The following ESRP1 variants were observed in gnomAD, a reference collection of about 807,000 sequenced individuals.
ESRP1 encodes epithelial splicing regulatory protein 1, also known as RNA-binding motif protein 35A.
Under a neutral mutation model 81.7 loss-of-function variants are expected in ESRP1, and 33 were observed. The ratio of observed to expected loss-of-function variants is 0.40; its 90% CI spans 0.31 to 0.54. ESRP1 has a LOEUF of 0.54. ESRP1 is among the 20% of genes least tolerant of loss of function. The pLI is 0.41. For missense variants in ESRP1, 672 were observed against 833.1 expected, an observed-to-expected ratio of 0.81 and a Z score of 2.38; for synonymous variants, 320 against 303.3, an observed-to-expected ratio of 1.06 and a Z score of -0.57.
At chr8:94,671,753 C>A in intron 11 of ESRP1, 82 bp downstream of exon 11, 3 of 880,366 alleles carry the variant, frequency 3.4e-6, no homozygotes, top group South Asian at 2.4e-5. Flanking sequence ...ATTAGATAAT[C>A]TATTAGAAAT....
chr8:94,669,100 G>C (rs765974478), intron 10 of ESRP1, among the ~76,000 whole-genome samples: 22 of 152,200 alleles, frequency 1.4e-4, no homozygotes, highest in South Asian at 4.1e-4. Context: ...CAGCATTTTT[G>C]AGGCACAAAA....
rs1810071876 is a variant in ESRP1, at chr8:94,706,414, A to G, written c.*525A>G. On this transcript the variant is annotated 3_prime_UTR_variant, in exon 16 of 16. Coordinates refer to ENST00000433389, the MANE Select transcript of ESRP1 (RefSeq NM_017697.4). ...GGAATAATAAAATCACAATCTTAGG[A>G]GAAAGAATAAAATTGTTATTTTCCC... 1 of 153,370 alleles carries G rather than the reference A, an allele frequency of 6.5e-6. No individual in the cohort carries two copies. Among genetic ancestry groups the G allele is most frequent in the African/African-American group, 2.4e-5 (1 of 41,492 alleles). The allele number at this position is 153,370 out of a possible 1,614,324, so 9.5% of individuals were successfully genotyped here.
At chr8:94,671,324 A>G in intron 10 of ESRP1, 129 bp from the exon 11 acceptor site, 3 of 647,986 alleles carry the variant, frequency 4.6e-6, no homozygotes, top group Non-Finnish European at 7.7e-6. Context: ...ATGAAGATTC[A>G]TATTTATTAG....
At chr8:94,674,043 A>G (rs1819467571) in intron 11 of ESRP1, among the ~76,000 whole-genome samples, 2 of 152,218 alleles carry the variant, frequency 1.3e-5, no homozygotes, top group Admixed American at 6.5e-5. Flanking sequence ...AAACCCTTGT[A>G]AATCTGATAC....
At chr8:94,689,828 T>TTTTTTTTTG (rs1809310614) in intron 13 of ESRP1, among the ~76,000 whole-genome samples, 1 of 92,782 alleles carries the variant, frequency 1.1e-5, no homozygotes, top group African/African-American at 3.4e-5. Context: ...TTTTTTTTTT[T>TTTTTTTTTG]TTTTTTTTGA....
At chr8:94,651,615 A>T (rs930746419) in intron 4 of ESRP1, among the ~76,000 whole-genome samples, 35 of 145,324 alleles carry the variant, frequency 2.4e-4, no homozygotes, top group Non-Finnish European at 2.7e-4. Context: ...AGGGTTTAGG[A>T]ATTTTTTTTT....
chr8:94,668,585 G>A (rs1034805671), intron 10 of ESRP1, among the ~76,000 whole-genome samples: 1 of 152,178 alleles, frequency 6.6e-6, no homozygotes, highest in Non-Finnish European at 1.5e-5. Context: ...TTCCTCTAGT[G>A]TACACTTAGA....
intron 13 of ESRP1, among the ~76,000 whole-genome samples, chr8:94,681,792 G>A (rs2130675867): frequency 6.6e-6 from 1 of 152,222 alleles, no homozygotes; most frequent in East Asian, 1.9e-4. Context: ...AAATTGCCAG[G>A]GCATGGTGGT....
intron 4 of ESRP1, among the ~76,000 whole-genome samples, chr8:94,656,903 C>A (rs1026233347): frequency 1.3e-5 from 2 of 152,100 alleles, no homozygotes; most frequent in African/African-American, 2.4e-5. Context: ...CCAGATGTGA[C>A]CATTTTTAGG....
chr8:94,645,881 C>T (rs1313163130), intron 3 of ESRP1, among the ~76,000 whole-genome samples: 1 of 152,096 alleles, frequency 6.6e-6, no homozygotes, highest in East Asian at 1.9e-4. Flanking sequence ...TGAAGTATAA[C>T]AGCACAAATG....
At chr8:94,645,871 T>C (rs1250190223) in intron 3 of ESRP1, among the ~76,000 whole-genome samples, 1 of 152,128 alleles carries the variant, frequency 6.6e-6, no homozygotes, top group Non-Finnish European at 1.5e-5. Flanking sequence ...CCAGAAAATA[T>C]GAAGTATAAC....
chr8:94,655,087 GT>G (rs1165477452), intron 4 of ESRP1, among the ~76,000 whole-genome samples: 1 of 146,850 alleles, frequency 6.8e-6, no homozygotes, highest in Admixed American at 6.9e-5. Flanking sequence ...GTGTGTGTGT[GT>G]TTTGTTTTGT....
chr8:94,652,407 A>T (rs1407708315), intron 4 of ESRP1, among the ~76,000 whole-genome samples: 1 of 151,724 alleles, frequency 6.6e-6, no homozygotes, highest in South Asian at 2.1e-4. Flanking sequence ...ACTGGATTGC[A>T]TGTTGTAAGC....
intron 15 of ESRP1, among the ~76,000 whole-genome samples, chr8:94,700,004 C>T (rs1563551736): frequency 2.0e-5 from 3 of 152,200 alleles, no homozygotes; most frequent in South Asian, 2.1e-4. Flanking sequence ...ATTTGAGACC[C>T]ACCATAACCC....
intron 15 of ESRP1, among the ~76,000 whole-genome samples, chr8:94,703,129 G>A (rs1809911650): frequency 9.5e-6 from 1 of 105,338 alleles, no homozygotes; most frequent in South Asian, 2.8e-4. Context: ...TTTTTTGCTA[G>A]CAGTTAGGAG....
chr8:94,696,850 A>G lies in ESRP1; in HGVS notation c.1972-2A>G. On this transcript the variant is annotated splice_acceptor_variant, in intron 14 of 15. Transcript: ENST00000433389. LOFTEE classifies it high-confidence loss of function. ...TCTTGTTTGTTTTAACTTGCATTTT[A>G]GTATGCAACCGAGGATGGACTTATA... The G allele has an allele frequency of 6.3e-7, 1 of 1,575,910 alleles. No individual in the cohort carries two copies. Among genetic ancestry groups the G allele is most frequent in the Non-Finnish European group, 8.6e-7 (1 of 1,161,720 alleles).
In ESRP1 at chr8:94,678,388, G is replaced by A. The variant is rs2130662901; in HGVS notation, c.1820+17G>A. The A allele has an allele frequency of 6.2e-7, 1 of 1,604,164 alleles. No individual in the cohort carries two copies. Among genetic ancestry groups the A allele is most frequent in the South Asian group, 1.1e-5 (1 of 89,846 alleles). On this transcript the variant is annotated intron_variant, in intron 13 of 15. Transcript: ENST00000433389. ...CTATCCCAGGTAAGGCTCTGACAGA[G>A]GTGGAAATGAGGGGCAGAAACAAAG... is the stretch of plus-strand genomic sequence containing the variant.
intron 13 of ESRP1, among the ~76,000 whole-genome samples, chr8:94,686,120 A>T (rs1012588633): frequency 2.0e-5 from 3 of 151,934 alleles, no homozygotes; most frequent in Admixed American, 6.6e-5. Flanking sequence ...GTAGAAACAG[A>T]GTTTTGCCAT....
chr8:94,670,983 T>C (rs1819290178), intron 10 of ESRP1, among the ~76,000 whole-genome samples: 1 of 152,162 alleles, frequency 6.6e-6, no homozygotes, highest in African/African-American at 2.4e-5. Context: ...ATTTCTTTGG[T>C]TTGGAGGTGG....
Sources: allele counts gnomAD v4.1 joint callset (sites outside exome capture counted in the v4.1 genomes callset), GRCh38; gene constraint gnomAD v4.1.1; transcripts MANE v1.5; gene names NCBI Gene and HGNC (gene_info 2026-07-23, HGNC 2026-07-21).